EXOC7: variants seen among roughly 807,000 people sequenced by gnomAD.
EXOC7 encodes the protein exocyst complex component Exo70.
A neutral mutation model predicts 87.6 loss-of-function variants in EXOC7; 51 were observed. The observed-to-expected ratio is 0.58, with a 90% confidence interval of 0.46 to 0.73. The LOEUF (loss-of-function observed/expected upper bound fraction) is 0.73. Ranked by LOEUF, EXOC7 falls within the 30% of genes least tolerant of loss-of-function variation. The probability of loss-of-function intolerance (pLI) is 0.00; values close to 1 mark genes in which losing one functional copy is unlikely to be tolerated. For synonymous variants in EXOC7, 327 were observed against 357.1 expected (o/e 0.92, Z 0.95); for missense variants, 744 against 888.4 (o/e 0.84, Z 2.07).
chr17:76,084,989 C>A (rs533202984), intron 15 of EXOC7: 3 of 462,766 alleles, frequency 6.5e-6, no homozygotes, highest in South Asian at 5.2e-5. Flanking sequence ...CAAGGCTCAG[C>A]CACGTTCAAG....
At chr17:76,088,011 C>A in intron 11 of EXOC7, 49 bp downstream of exon 11, 1 of 1,606,952 alleles carries the variant, frequency 6.2e-7, no homozygotes, top group Admixed American at 1.7e-5. Context: ...GGGCCTGGGC[C>A]TGGGCCCTCC....
At chr17:76,087,274 A>G in intron 12 of EXOC7, 1 of 385,744 alleles carries the variant, frequency 2.6e-6, no homozygotes. Context: ...GCGGGCCCTG[A>G]GACACTTGCT....
intron 4 of EXOC7, among the ~76,000 whole-genome samples, chr17:76,100,582 G>C (rs1402535746): frequency 2.6e-5 from 4 of 151,122 alleles, no homozygotes; most frequent in Non-Finnish European, 4.4e-5. Flanking sequence ...GCAGTGAGCC[G>C]AGATCGTGCC....
chr17:76,087,858 T>G, intron 11 of EXOC7, 138 bp from the exon 12 acceptor site: 1 of 1,032,892 alleles, frequency 9.7e-7, no homozygotes, highest in East Asian at 2.6e-5. Context: ...AACTTCATTT[T>G]CACTCTAGCC....
In EXOC7 at chr17:76,083,496, TA is replaced by T; in HGVS notation, c.*151del. On this transcript the variant is annotated 3_prime_UTR_variant, in exon 19 of 19. Coordinates refer to ENST00000589210, the MANE Select transcript of EXOC7 (RefSeq NM_001013839.4). ...GTGGGGAAAAAGCAGGAGCCAGGAC[TA>T]GGGGGCTCAGGGACACAGCTCCCGG... 2 of 708,800 alleles carry T rather than the reference TA, an allele frequency of 2.8e-6. No individual in the cohort carries two copies. The highest frequency in any genetic ancestry group is 4.9e-6 in the Non-Finnish European group (2 of 405,972). 43.9% of individuals were successfully genotyped at this position (708,800 alleles called of 1,614,324 possible).
chr17:76,082,292 G>A lies in EXOC7; in HGVS notation c.*1356C>T. 1.3e-6 allele frequency: 1 copy of A among 794,040 alleles called. No homozygotes were observed. The highest frequency in any genetic ancestry group is 1.9e-6 in the Non-Finnish European group (1 of 514,098). 49.2% of individuals were successfully genotyped at this position (794,040 alleles called of 1,614,324 possible). A position where few individuals can be genotyped will look rare whatever the true frequency, so the allele number is the denominator to read the frequency against. ...ATAACCCATGCCTTGCACAGCCTAAGAGGGTGTTTCTTCAACTGAAGATGG... is the reference window on the plus strand; with the variant it reads ...ATAACCCATGCCTTGCACAGCCTAAAAGGGTGTTTCTTCAACTGAAGATGG... On this transcript the variant is annotated 3_prime_UTR_variant, in exon 19 of 19. Coordinates refer to ENST00000589210, the MANE Select transcript of EXOC7 (RefSeq NM_001013839.4).
chr17:76,081,230 G>A lies in EXOC7; in HGVS notation c.*2418C>T. On this transcript the variant is annotated 3_prime_UTR_variant, in exon 19 of 19. Transcript: ENST00000589210. ...CAGTCTGCTACCCCCAGACTTGGCA[G>A]CTGGGATCTCTCCTTCCTGGTTCAT... 6.2e-7 allele frequency: 1 copy of A among 1,607,828 alleles called. No homozygotes were observed. The highest frequency in any genetic ancestry group is 8.5e-7 in the Non-Finnish European group (1 of 1,177,258).
At chr17:76,096,103 G>A (rs1272562600) in intron 5 of EXOC7, among the ~76,000 whole-genome samples, 2 of 152,228 alleles carry the variant, frequency 1.3e-5, no homozygotes, top group African/African-American at 4.8e-5. Context: ...ACGTGTTCAT[G>A]TGATCAGATA....
chr17:76,100,534 G>C (rs1189351422), intron 4 of EXOC7, among the ~76,000 whole-genome samples: 1 of 151,768 alleles, frequency 6.6e-6, no homozygotes, highest in East Asian at 1.9e-4. Flanking sequence ...TCAGGAGGCT[G>C]AGGCAGGGGA....
Position 76,101,721 on chromosome 17 carries a change from T to C in EXOC7, c.269A>G (p.Tyr90Cys). ...TLSCLDHVIS[Y>C]YHVASDTEKI... is the part of the protein sequence containing the mutation. Reference sequence around the variant, plus strand: ...CTCAGTGTCACTGGCCACATGGTAGTAGCTGATGACATGGTCCAGGCAGGA... The same window carrying C: ...CTCAGTGTCACTGGCCACATGGTAGCAGCTGATGACATGGTCCAGGCAGGA... The change falls in exon 3 of 19, where the codon TAC (tyrosine) becomes TGC (cysteine). Residue 90 changes from tyrosine to cysteine, a missense_variant. By Grantham distance (194) the Tyr-to-Cys change is radical. Coordinates refer to ENST00000589210, the MANE Select transcript of EXOC7 (RefSeq NM_001013839.4). 1 of 1,614,122 alleles carries C rather than the reference T, an allele frequency of 6.2e-7. No homozygotes were observed. The highest frequency in any genetic ancestry group is 8.5e-7 in the Non-Finnish European group (1 of 1,180,014).
rs1598357576 is a variant in EXOC7 at position 76,103,739 on chromosome 17, G to A, written c.-47C>T. 1 of 1,546,262 alleles carries A rather than the reference G, an allele frequency of 6.5e-7. No individual in the cohort carries two copies. The highest frequency in any genetic ancestry group is 1.2e-5 in the South Asian group (1 of 83,504). On this transcript the variant is annotated 5_prime_UTR_variant, in exon 1 of 19. Coordinates refer to ENST00000589210, the MANE Select transcript of EXOC7 (RefSeq NM_001013839.4). ...CACTCCCCAGTATCTTTCCTCCGCGGGCCCACCGGGCCCCCGTCCCCGTCA... is the reference window on the plus strand; with the variant it reads ...CACTCCCCAGTATCTTTCCTCCGCGAGCCCACCGGGCCCCCGTCCCCGTCA...
chr17:76,091,045 G>T, intron 7 of EXOC7, 98 bp downstream of exon 7: 1 of 1,058,832 alleles, frequency 9.4e-7, no homozygotes, highest in Non-Finnish European at 1.5e-6. Context: ...TCCCCTCAGG[G>T]TTTCTCCCGA....
At chr17:76,088,972 A>T in intron 8 of EXOC7, 49 bp from the exon 9 acceptor site, 1 of 1,587,400 alleles carries the variant, frequency 6.3e-7, no homozygotes, top group Non-Finnish European at 8.6e-7. Flanking sequence ...GGTGGGAGCT[A>T]GTTCTGGGCT....
intron 6 of EXOC7, 84 bp downstream of exon 6, chr17:76,094,330 G>A (rs572376661): frequency 2.8e-6 from 4 of 1,444,410 alleles, no homozygotes; most frequent in East Asian, 2.3e-5. Flanking sequence ...GGGGCCTGAC[G>A]CTGCGAACGC....
At chr17:76,088,617 C>T in intron 9 of EXOC7, 55 bp from the exon 10 acceptor site, 1 of 1,597,052 alleles carries the variant, frequency 6.3e-7, no homozygotes, top group African/African-American at 1.3e-5. Flanking sequence ...GTGAGCATCT[C>T]ACTCACCCAG....
chr17:76,082,478 T>G lies in EXOC7; in HGVS notation c.*1170A>C. 6.2e-7 allele frequency: 1 copy of G among 1,611,236 alleles called. No homozygotes were observed. Among genetic ancestry groups the G allele is most frequent in the Non-Finnish European group, 8.5e-7 (1 of 1,178,776 alleles). On this transcript the variant is annotated 3_prime_UTR_variant, in exon 19 of 19. Transcript: ENST00000589210. Reference sequence around the variant, plus strand: ...CTCCCCACAGAGCCCTCCAGAGGAGTAAAGGGGTCACAGAGAAGCTGGCCT... The same window carrying G: ...CTCCCCACAGAGCCCTCCAGAGGAGGAAAGGGGTCACAGAGAAGCTGGCCT...
chr17:76,092,304 T>G (rs1042379509), intron 6 of EXOC7: 3 of 149,014 alleles, frequency 2.0e-5, no homozygotes, highest in Admixed American at 1.3e-4. Context: ...TTTTTTTTTT[T>G]TTTTTTTTTT....
intron 6 of EXOC7, 140 bp downstream of exon 6, chr17:76,094,274 G>A: frequency 2.3e-6 from 2 of 877,136 alleles, no homozygotes; most frequent in Non-Finnish European, 3.4e-6. Context: ...CTTGCTTTCT[G>A]TCCTGTGTAC....
intron 4 of EXOC7, among the ~76,000 whole-genome samples, chr17:76,099,152 T>G (rs2666010): frequency 0.49 from 73,841 of 152,028 alleles, 18,441 homozygotes; most frequent in South Asian, 0.67. Flanking sequence ...AGCAGCATTA[T>G]TCACAAGAGA....
Sources: gnomAD v4.1 joint callset for allele counts (sites outside exome capture counted in the v4.1 genomes callset) on GRCh38, gnomAD v4.1.1 for gene constraint, MANE v1.5 for transcripts, NCBI Gene and HGNC (gene_info 2026-07-23, HGNC 2026-07-21) for gene names.